The following NPHP3 variants were observed in gnomAD, a reference collection of about 807,000 sequenced individuals.
NPHP3 encodes nephrocystin 3.
Under a neutral mutation model 171.9 loss-of-function variants are expected in NPHP3, and 123 were observed. The ratio of observed to expected loss-of-function variants is 0.72; its 90% CI spans 0.62 to 0.83. NPHP3 has a LOEUF of 0.83. Among genes scored for constraint, NPHP3 ranks in the 40% least tolerant of loss-of-function variants. NPHP3 has a pLI of 0.00. For synonymous variants in NPHP3, 558 were observed against 579.2 expected, an observed-to-expected ratio of 0.96 and a Z score of 0.52; for missense variants, 1,506 against 1,591.9, an observed-to-expected ratio of 0.95 and a Z score of 0.92.
At chr3:132,720,659 A>AAACAAC (rs564919142) in intron 1 of NPHP3, among the ~76,000 whole-genome samples, 59 of 151,968 alleles carry the variant, frequency 3.9e-4, no homozygotes, top group African/African-American at 1.3e-3. Flanking sequence ...TTAAAAACAA[A>AAACAAC]AACAACAACA....
intron 23 of NPHP3, 146 bp downstream of exon 23, chr3:132,686,114 T>G: frequency 3.9e-6 from 3 of 766,796 alleles, no homozygotes; most frequent in Non-Finnish European, 6.8e-6. Context: ...TAGGTATGTG[T>G]ATGCTCATTA....
rs10935029 is a variant in NPHP3, at chr3:132,705,328, C to A, written c.1350+412G>T. 2.9e-4 allele frequency among the ~76,000 whole-genome samples: 44 copies of A among 151,986 alleles called. 1 individual carries two copies. The highest frequency in any genetic ancestry group is 1.5e-5 in the Non-Finnish European group (1 of 67,998). ...CCTCCCTGGTCCATGTTCTCACCCC[C>A]CTGGAGGCATGCTTTCATCCCCCTC... is the stretch of plus-strand genomic sequence containing the variant. On this transcript the variant is annotated intron_variant, in intron 8 of 26. Coordinates refer to ENST00000337331, the MANE Select transcript of NPHP3 (RefSeq NM_153240.5).
Position 132,683,485 on chromosome 3 carries a change from C to T in NPHP3, c.3610G>A (p.Val1204Ile), listed in dbSNP as rs1426027152. The T allele has an allele frequency of 5.0e-6, 8 of 1,613,048 alleles. No homozygotes were observed. The highest frequency in any genetic ancestry group is 3.3e-5 in the Admixed American group (2 of 60,012). ...CCAAAAGATTTCTGTCGAATTTCAA[C>T]AGCCAATTCATACAAAGGTACAGCT... ...DKAVPLYELAVEIRQKSFGPK... is the reference protein window; with the variant it reads ...DKAVPLYELAIEIRQKSFGPK... The change falls in exon 25 of 27, where the codon GTT becomes ATT. Residue 1204 changes from valine to isoleucine, a missense_variant. Val to Ile is a conservative substitution (Grantham distance 29, BLOSUM62 3). Coordinates refer to ENST00000337331, the MANE Select transcript of NPHP3 (RefSeq NM_153240.5).
Position 132,699,225 on chromosome 3 carries a change from C to T in NPHP3, c.1985+128G>A, listed in dbSNP as rs907828843. ...TGTATTTTTTTTTCATAAATTCACC[C>T]ACTTCTCCCCATCCTCACTGCAAGT... is the stretch of plus-strand genomic sequence containing the variant. On this transcript the variant is annotated intron_variant, in intron 13 of 26. Coordinates refer to ENST00000337331, the MANE Select transcript of NPHP3 (RefSeq NM_153240.5). 15 of 673,244 alleles carry T rather than the reference C, an allele frequency of 2.2e-5. No individual in the cohort carries two copies. The Middle Eastern group carries it at 8.5e-4, about 38-fold the overall frequency. 41.7% of individuals were successfully genotyped at this position (673,244 alleles called of 1,614,324 possible).
At position 132,716,979 on chromosome 3, in the gene NPHP3, C is replaced by T. The variant is rs11718115; in HGVS notation, c.671-70G>A. On this transcript the variant is annotated intron_variant, in intron 3 of 26. Coordinates refer to ENST00000337331, the MANE Select transcript of NPHP3 (RefSeq NM_153240.5). ...ATGTTCAAAAACTCATCACATATAC[C>T]GAACAGGATTGCTGATTTTAAAAAA... The T allele has an allele frequency of 0.34, 487,568 of 1,428,152 alleles. 89,513 individuals carry two copies. Among genetic ancestry groups the T allele is most frequent in the East Asian group, 0.73 (32,331 of 43,988 alleles). The allele number at this position is 1,428,152 out of a possible 1,614,324, so 88.5% of individuals were successfully genotyped here.
At chr3:132,697,221 G>A (rs898798605) in intron 14 of NPHP3, 39 bp downstream of exon 14, 113 of 1,281,458 alleles carry the variant, frequency 8.8e-5, no homozygotes, top group Non-Finnish European at 1.3e-4. Context: ...TAGGAAAGAT[G>A]AGAGAGTAAA....
chr3:132,690,403 C>G, intron 19 of NPHP3, 125 bp downstream of exon 19: 1 of 889,254 alleles, frequency 1.1e-6, no homozygotes, highest in Admixed American at 2.3e-5. Context: ...CAAGATTTCT[C>G]CTACACTATT....
At chr3:132,716,503 G>T (rs1560015959) in intron 4 of NPHP3, among the ~76,000 whole-genome samples, 1 of 152,166 alleles carries the variant, frequency 6.6e-6, no homozygotes, top group Non-Finnish European at 1.5e-5. Context: ...AAACACCAGA[G>T]AATTCAGACC....
chr3:132,705,556 T>C, intron 8 of NPHP3, 184 bp downstream of exon 8: 1 of 496,824 alleles, frequency 2.0e-6, no homozygotes, highest in Non-Finnish European at 3.7e-6. Context: ...GATAAAGATA[T>C]TAATACATGG....
chr3:132,682,660 C>T lies in NPHP3; in HGVS notation c.3812+43G>A, dbSNP rs373573980. The T allele has an allele frequency of 2.6e-4, 283 of 1,101,328 alleles. No individual in the cohort carries two copies. In the Admixed American group the frequency reaches 3.9e-3, roughly 15 times the overall value. The allele number at this position is 1,101,328 out of a possible 1,614,324, so 68.2% of individuals were successfully genotyped here. On this transcript the variant is annotated intron_variant, in intron 26 of 26. Coordinates refer to ENST00000337331, the MANE Select transcript of NPHP3 (RefSeq NM_153240.5). ...GTGCTATTCTAAGACAAAGCTACTTCGAATAAAAGAGGCTGTATAAGGAAA... is the reference window on the plus strand; with the variant it reads ...GTGCTATTCTAAGACAAAGCTACTTTGAATAAAAGAGGCTGTATAAGGAAA...
At chr3:132,701,753 T>C (rs1054101683) in intron 9 of NPHP3, among the ~76,000 whole-genome samples, 2 of 152,206 alleles carry the variant, frequency 1.3e-5, no homozygotes, top group Admixed American at 1.3e-4. Context: ...CTGGGCGCGG[T>C]GGCTCACGCC....
chr3:132,702,702 A>G (rs891128246), intron 9 of NPHP3, among the ~76,000 whole-genome samples: 1 of 152,186 alleles, frequency 6.6e-6, no homozygotes, highest in African/African-American at 2.4e-5. Flanking sequence ...TTTTCAATCA[A>G]TTTTTCTACT....
At chr3:132,710,968 T>C (rs998784459) in intron 6 of NPHP3, among the ~76,000 whole-genome samples, 1 of 152,184 alleles carries the variant, frequency 6.6e-6, no homozygotes, top group Non-Finnish European at 1.5e-5. Context: ...AACCATACAT[T>C]TTGAGCTTCA....
At chr3:132,694,676 C>A in intron 16 of NPHP3, 151 bp downstream of exon 16, 2 of 809,200 alleles carry the variant, frequency 2.5e-6, no homozygotes, top group Admixed American at 2.3e-5. Context: ...CAGGTAAACA[C>A]AAATTTCCAC....
At chr3:132,717,166 G>A in intron 3 of NPHP3, 2 of 397,534 alleles carry the variant, frequency 5.0e-6, no homozygotes, top group South Asian at 3.2e-5. Flanking sequence ...CAATAAAAAA[G>A]AAATCATAAT....
chr3:132,694,382 C>T (rs77888395), intron 16 of NPHP3, among the ~76,000 whole-genome samples: 15,271 of 147,698 alleles, frequency 0.1, 1,461 homozygotes, highest in East Asian at 0.58. Flanking sequence ...TGTGTGTTTA[C>T]ACACACACAC....
chr3:132,713,796 G>A (rs1036357801), intron 5 of NPHP3, among the ~76,000 whole-genome samples: 12 of 152,140 alleles, frequency 7.9e-5, no homozygotes, highest in East Asian at 3.8e-4. Flanking sequence ...TCAAAATGTC[G>A]TTGGGAATAA....
At chr3:132,696,083 C>A (rs1313087697) in intron 15 of NPHP3, among the ~76,000 whole-genome samples, 2 of 151,460 alleles carry the variant, frequency 1.3e-5, no homozygotes, top group South Asian at 2.1e-4. Context: ...GCTAGAATTG[C>A]CATCTATTGC....
chr3:132,706,140 A>G lies in NPHP3; in HGVS notation c.1276-326T>C, dbSNP rs750183797. The stretch of plus-strand genomic sequence containing the variant: ...TTTGGGAGGTCGAGGTGGGCGGTTC[A>G]CGAAGTCAGGAGATCAAGACCATCC... On this transcript the variant is annotated intron_variant, in intron 7 of 26. Transcript: ENST00000337331. Among the ~76,000 whole-genome samples, 141 of 152,064 alleles carry G rather than the reference A, an allele frequency of 9.3e-4. 1 individual carries two copies. Among genetic ancestry groups the G allele is most frequent in the Non-Finnish European group, 1.6e-3 (107 of 67,976 alleles).
Sources: gnomAD v4.1 joint callset for allele counts (sites outside exome capture counted in the v4.1 genomes callset) on GRCh38, gnomAD v4.1.1 for gene constraint, MANE v1.5 for transcripts, NCBI Gene and HGNC (gene_info 2026-07-23, HGNC 2026-07-21) for gene names.